PIERCE2: variants seen among roughly 807,000 people sequenced by gnomAD.
The protein encoded by PIERCE2 is piercer of microtubule wall 2, also known as piercer of microtubule wall 2 protein.
At chr15:55,416,802 TA>T in the PIERCE2 span, among the ~76,000 whole-genome samples, 3 of 151,242 alleles carry the variant, frequency 2.0e-5, no homozygotes, top group Non-Finnish European at 4.4e-5. Flanking sequence ...CTACTAAAAA[TA>T]AAAAAAAATT....
At chr15:55,408,998 T>C in the PIERCE2 span, among the ~76,000 whole-genome samples, 1 of 152,204 alleles carries the variant, frequency 6.6e-6, no homozygotes, top group African/African-American at 2.4e-5. Flanking sequence ...TTGTATGCAT[T>C]CATACCCTAC....
chr15:55,416,042 G>A, the PIERCE2 span, among the ~76,000 whole-genome samples: 1 of 152,044 alleles, frequency 6.6e-6, no homozygotes, highest in African/African-American at 2.4e-5. Flanking sequence ...TCAGGATTCA[G>A]TCATGACATT....
At chr15:55,412,787 G>T in the PIERCE2 span, among the ~76,000 whole-genome samples, 511 of 151,542 alleles carry the variant, frequency 3.4e-3, 13 homozygotes, top group Non-Finnish European at 9.1e-4. Flanking sequence ...TCAAAAAAAA[G>T]AAAAAGTTGA....
chr15:55,414,697 G>A, the PIERCE2 span, among the ~76,000 whole-genome samples: 1 of 151,708 alleles, frequency 6.6e-6, no homozygotes, highest in Non-Finnish European at 1.5e-5. Flanking sequence ...TGGCCAACAT[G>A]GTGAAACCCC....
chr15:55,418,048 A>G, the PIERCE2 span: 1 of 1,304,772 alleles, frequency 7.7e-7, no homozygotes, highest in African/African-American at 1.5e-5. Context: ...GGCCATCTGG[A>G]TGTATACGTG....
chr15:55,416,973 CACAAA>C, the PIERCE2 span, among the ~76,000 whole-genome samples: 2 of 151,854 alleles, frequency 1.3e-5, no homozygotes, highest in African/African-American at 2.4e-5. Flanking sequence ...AAAACAAACA[CACAAA>C]ACAAAACAAA....
the PIERCE2 span, among the ~76,000 whole-genome samples, chr15:55,415,234 G>C: frequency 6.6e-6 from 1 of 152,210 alleles, no homozygotes; most frequent in Admixed American, 6.5e-5. Flanking sequence ...TTGGGAGGCC[G>C]AGGCAGGTGG....
chr15:55,413,593 T>C, the PIERCE2 span, among the ~76,000 whole-genome samples: 1 of 151,736 alleles, frequency 6.6e-6, no homozygotes, highest in South Asian at 2.1e-4. Context: ...ACCCTGTCTC[T>C]ACTAAAAATA....
chr15:55,414,302 C>T, the PIERCE2 span, among the ~76,000 whole-genome samples: 9 of 150,778 alleles, frequency 6.0e-5, no homozygotes, highest in Non-Finnish European at 1.2e-4. Context: ...CTTGGCCTCC[C>T]GGGTTGAAGC....
chr15:55,409,235 G>A, the PIERCE2 span, among the ~76,000 whole-genome samples: 3 of 151,962 alleles, frequency 2.0e-5, no homozygotes, highest in African/African-American at 7.3e-5. Flanking sequence ...GTGAAACTCC[G>A]TCTCTACTAA....
chr15:55,415,064 G>C, the PIERCE2 span, among the ~76,000 whole-genome samples: 3 of 152,130 alleles, frequency 2.0e-5, no homozygotes, highest in Non-Finnish European at 4.4e-5. Flanking sequence ...ATCAATGTAA[G>C]GTTGCAGAAG....
chr15:55,411,255 G>C, the PIERCE2 span: 4 of 152,128 alleles, frequency 2.6e-5, no homozygotes, highest in African/African-American at 9.7e-5. Context: ...TCAGAGGTCA[G>C]GAGTTTGGGA....
At chr15:55,418,162 T>A in the PIERCE2 span, 2 of 1,563,624 alleles carry the variant, frequency 1.3e-6, no homozygotes, top group Non-Finnish European at 1.7e-6. Context: ...TGGGACTGAA[T>A]TAAATTTTTT....
chr15:55,418,381 T>C, the PIERCE2 span: 2 of 1,535,918 alleles, frequency 1.3e-6, no homozygotes, highest in African/African-American at 1.4e-5. Context: ...TGATTATGTA[T>C]AAAACCAATT....
chr15:55,412,211 C>T, the PIERCE2 span, among the ~76,000 whole-genome samples: 2 of 151,840 alleles, frequency 1.3e-5, no homozygotes, highest in South Asian at 4.2e-4. Flanking sequence ...TTTTTATTTA[C>T]CAGTTTTACA....
the PIERCE2 span, among the ~76,000 whole-genome samples, chr15:55,412,932 C>G: frequency 6.6e-6 from 1 of 152,064 alleles, no homozygotes; most frequent in Non-Finnish European, 1.5e-5. Flanking sequence ...GAGTTCAAGA[C>G]CAGCCTGGGC....
chr15:55,414,366 C>T, the PIERCE2 span, among the ~76,000 whole-genome samples: 2 of 151,820 alleles, frequency 1.3e-5, no homozygotes, highest in African/African-American at 2.4e-5. Flanking sequence ...TGTGCCACCA[C>T]GCTTGGCTAA....
chr15:55,408,870 C>T, the PIERCE2 span: 1 of 895,830 alleles, frequency 1.1e-6, no homozygotes, highest in South Asian at 1.6e-5. Context: ...CTACCACCCC[C>T]AACCCCACAA....
At chr15:55,414,403 G>A in the PIERCE2 span, among the ~76,000 whole-genome samples, 3 of 151,718 alleles carry the variant, frequency 2.0e-5, no homozygotes, top group African/African-American at 4.8e-5. Context: ...TAGAGGCAGG[G>A]TTTCACCATG....
Sources: allele counts gnomAD v4.1 joint callset (sites outside exome capture counted in the v4.1 genomes callset), GRCh38; gene constraint gnomAD v4.1.1; transcripts MANE v1.5; gene names NCBI Gene and HGNC (gene_info 2026-07-23, HGNC 2026-07-21).